The following GLRX5 variants were observed in gnomAD, a reference collection of about 807,000 sequenced individuals.
GLRX5 encodes the protein glutaredoxin 5.
GLRX5 carries 10 observed loss-of-function variants against 13.8 expected under a neutral mutation model. The ratio of observed to expected loss-of-function variants is 0.72; its 90% CI spans 0.45 to 1.23. The LOEUF is 1.23. Ranked by LOEUF, GLRX5 falls within the 50% of genes most tolerant of loss-of-function variation. GLRX5 has a pLI of 0.00. For synonymous variants in GLRX5, 98 were observed against 101.1 expected (o/e 0.97, Z 0.18); for missense variants, 233 against 215.2 (o/e 1.08, Z -0.52).
intron 1 of GLRX5, among the ~76,000 whole-genome samples, chr14:95,542,785 C>T (rs2139651225): frequency 6.6e-6 from 1 of 152,302 alleles, no homozygotes; most frequent in Middle Eastern, 3.4e-3. Context: ...TATTATATGC[C>T]ATGCTTTGAC....
At chr14:95,540,267 C>A (rs1472657867) in intron 1 of GLRX5, among the ~76,000 whole-genome samples, 2 of 152,144 alleles carry the variant, frequency 1.3e-5, no homozygotes, top group Non-Finnish European at 2.9e-5. Flanking sequence ...TTTCTGTTGC[C>A]TTTCTCAGAA....
intron 1 of GLRX5, among the ~76,000 whole-genome samples, chr14:95,536,289 G>A (rs1281021735): frequency 6.6e-6 from 1 of 152,212 alleles, no homozygotes; most frequent in Admixed American, 6.5e-5. Flanking sequence ...CCAGGCACAA[G>A]GGCCTGCTCC....
At position 95,536,801 on chromosome 14, in the gene GLRX5, C is replaced by T. The variant is rs187341018; in HGVS notation, c.295+1417C>T. ...TTAAAGACTCTTGGGGATAACTGAT[C>T]CTCCATTTGCTGTAGGTGATAGTGG... On this transcript the variant is annotated intron_variant, in intron 1 of 1. Transcript: ENST00000331334. Among the ~76,000 whole-genome samples, 4 of 152,044 alleles carry T rather than the reference C, an allele frequency of 2.6e-5. No homozygotes were observed. The East Asian group carries it at 7.7e-4, about 29-fold the overall frequency.
chr14:95,535,725 C>T (rs909844256), intron 1 of GLRX5, among the ~76,000 whole-genome samples: 2 of 152,194 alleles, frequency 1.3e-5, no homozygotes, highest in African/African-American at 4.8e-5. Flanking sequence ...TGGCCCGCTG[C>T]CTGACTGCTC....
At chr14:95,535,979 G>A (rs1329642506) in intron 1 of GLRX5, among the ~76,000 whole-genome samples, 2 of 152,188 alleles carry the variant, frequency 1.3e-5, no homozygotes, top group Admixed American at 6.5e-5. Flanking sequence ...GACAGCTGTC[G>A]GCTGACCTTA....
Position 95,544,279 on chromosome 14 carries a change from T to C in GLRX5, c.*154T>C. ...GAGCAGTTGGTGATTTTAGTTGGTC[T>C]GGTGTTCGGGCTAAGAATATTTTAT... is the stretch of plus-strand genomic sequence containing the variant. On this transcript the variant is annotated 3_prime_UTR_variant, in exon 2 of 2. Coordinates refer to ENST00000331334, the MANE Select transcript of GLRX5 (RefSeq NM_016417.3). 1 of 679,856 alleles carries C rather than the reference T, an allele frequency of 1.5e-6. No homozygotes were observed. The highest frequency in any genetic ancestry group is 2.7e-6 in the Non-Finnish European group (1 of 372,970). 42.1% of individuals were successfully genotyped at this position (679,856 alleles called of 1,614,324 possible). A position where few individuals can be genotyped will look rare whatever the true frequency, so the allele number is the denominator to read the frequency against.
intron 1 of GLRX5, among the ~76,000 whole-genome samples, chr14:95,537,236 A>G (rs933146815): frequency 4.6e-5 from 7 of 152,230 alleles, no homozygotes; most frequent in Non-Finnish European, 1.0e-4. Flanking sequence ...GTAAACGGAA[A>G]ATAGGAGCAA....
rs1399732705 is a variant in GLRX5, at chr14:95,535,276, G to A, written c.187G>A (p.Glu63Lys). The A allele has an allele frequency of 3.8e-6, 6 of 1,570,328 alleles. No homozygotes were observed. The Admixed American group carries it at 7.7e-5, about 20-fold the overall frequency. The change falls in exon 1 of 2, where the codon GAG (glutamate) becomes AAG (lysine). Residue 63 changes from glutamate to lysine, a missense_variant. Glu to Lys is a moderately conservative substitution (Grantham distance 56, BLOSUM62 1). Transcript: ENST00000331334. ...GGTGGTCTTCCTCAAGGGGACGCCG[G>A]AGCAGCCCCAGTGCGGCTTCAGCAA... is the stretch of plus-strand genomic sequence containing the variant. ...KVVVFLKGTPEQPQCGFSNAV... is the reference protein window; with the variant it reads ...KVVVFLKGTPKQPQCGFSNAV...
intron 1 of GLRX5, among the ~76,000 whole-genome samples, chr14:95,542,545 T>C (rs1891489933): frequency 6.6e-6 from 1 of 152,230 alleles, no homozygotes; most frequent in African/African-American, 2.4e-5. Context: ...TTGGGACTTG[T>C]GATATAACTG....
chr14:95,541,900 A>T (rs1307234146), intron 1 of GLRX5, among the ~76,000 whole-genome samples: 1 of 152,226 alleles, frequency 6.6e-6, no homozygotes, highest in African/African-American at 2.4e-5. Flanking sequence ...ATCAGTAAAA[A>T]TTGATTATCA....
chr14:95,535,489 C>A, intron 1 of GLRX5, 105 bp downstream of exon 1: 1 of 1,122,714 alleles, frequency 8.9e-7, no homozygotes, highest in Non-Finnish European at 1.3e-6. Flanking sequence ...GGGGCTCCAT[C>A]CGCCGGGGTC....
At chr14:95,540,954 G>GT (rs1169812017) in intron 1 of GLRX5, among the ~76,000 whole-genome samples, 1 of 152,104 alleles carries the variant, frequency 6.6e-6, no homozygotes, top group Non-Finnish European at 1.5e-5. Flanking sequence ...GTTTGTATGG[G>GT]TTTTTTTGGT....
intron 1 of GLRX5, chr14:95,543,666 C>CCA: frequency 2.7e-6 from 1 of 370,864 alleles, no homozygotes; most frequent in Non-Finnish European, 5.0e-6. Flanking sequence ...CTAATTCTCA[C>CCA]AAAAAAAAAA....
At position 95,535,062 on chromosome 14, in the gene GLRX5, C is replaced by A. The variant is rs569336771; in HGVS notation, c.-28C>A. 1.8e-4 allele frequency: 238 copies of A among 1,328,824 alleles called. 2 individuals carry two copies. The African/African-American group carries it at 3.4e-3, about 19-fold the overall frequency. The allele number at this position is 1,328,824 out of a possible 1,614,324, so 82.3% of individuals were successfully genotyped here. ...TGGGTGGCCAGCTGTGGGCCCGGGC[C>A]GTCGTGGGCTCCGGCTTGCGTGCGG... On this transcript the variant is annotated 5_prime_UTR_variant, in exon 1 of 2. Transcript: ENST00000331334.
At chr14:95,539,273 G>A (rs1891433139) in intron 1 of GLRX5, among the ~76,000 whole-genome samples, 1 of 152,198 alleles carries the variant, frequency 6.6e-6, no homozygotes, top group Non-Finnish European at 1.5e-5. Flanking sequence ...TCTGTGTTAG[G>A]ATACCTGTGT....
At chr14:95,540,775 A>G (rs1891461307) in intron 1 of GLRX5, among the ~76,000 whole-genome samples, 1 of 152,224 alleles carries the variant, frequency 6.6e-6, no homozygotes, top group South Asian at 2.1e-4. Flanking sequence ...AATAAAAAGA[A>G]AGAAAACTAT....
chr14:95,541,729 G>T (rs1595283705), intron 1 of GLRX5, among the ~76,000 whole-genome samples: 1 of 152,214 alleles, frequency 6.6e-6, no homozygotes, highest in East Asian at 1.9e-4. Context: ...CAAGCCCAAT[G>T]CTTCGATTGA....
intron 1 of GLRX5, among the ~76,000 whole-genome samples, chr14:95,539,497 A>C (rs1891436358): frequency 6.6e-6 from 1 of 152,272 alleles, no homozygotes; most frequent in Non-Finnish European, 1.5e-5. Context: ...TAATTATGGC[A>C]TAATACCATT....
intron 1 of GLRX5, chr14:95,542,878 T>A (rs1349655189): frequency 5.5e-6 from 2 of 361,706 alleles, no homozygotes; most frequent in Admixed American, 6.6e-5. Flanking sequence ...AACATACAAG[T>A]AGAAAAGGAA....
Sources: gnomAD v4.1 joint callset for allele counts (sites outside exome capture counted in the v4.1 genomes callset) on GRCh38, gnomAD v4.1.1 for gene constraint, MANE v1.5 for transcripts, NCBI Gene and HGNC (gene_info 2026-07-23, HGNC 2026-07-21) for gene names.